PTPRJ: variants seen among roughly 807,000 people sequenced by gnomAD.
PTPRJ encodes receptor-type tyrosine-protein phosphatase eta.
Under a neutral mutation model 141.3 loss-of-function variants are expected in PTPRJ, and 129 were observed. The ratio of observed to expected loss-of-function variants is 0.91; its 90% CI spans 0.79 to 1.06. PTPRJ has a LOEUF of 1.06. Among genes scored for constraint, PTPRJ ranks in the 50% least tolerant of loss-of-function variants. PTPRJ has a pLI of 0.00. For missense variants in PTPRJ, 1,601 were observed against 1,679.7 expected (o/e 0.95, Z 0.82); for synonymous variants, 610 against 640.5 (o/e 0.95, Z 0.72).
intron 1 of PTPRJ, among the ~76,000 whole-genome samples, chr11:48,029,577 A>G (rs1033840164): frequency 6.6e-6 from 1 of 152,216 alleles, no homozygotes; most frequent in Non-Finnish European, 1.5e-5. Flanking sequence ...TTTTTATTTA[A>G]TGTGGATTAA....
intron 1 of PTPRJ, among the ~76,000 whole-genome samples, chr11:47,989,353 A>C (rs1378775921): frequency 7.3e-6 from 1 of 136,786 alleles, no homozygotes; most frequent in Non-Finnish European, 1.6e-5. Context: ...TGCAACCTCC[A>C]CCTCCCAGGT....
intron 1 of PTPRJ, among the ~76,000 whole-genome samples, chr11:48,011,581 G>A (rs1209473154): frequency 6.6e-6 from 1 of 152,204 alleles, no homozygotes; most frequent in African/African-American, 2.4e-5. Context: ...AACCTGCCCT[G>A]TTTGAAGGAG....
At chr11:48,070,589 A>G (rs550325114) in intron 1 of PTPRJ, among the ~76,000 whole-genome samples, 1 of 151,924 alleles carries the variant, frequency 6.6e-6, no homozygotes, top group Non-Finnish European at 1.5e-5. Context: ...TCTCATCTCC[A>G]TAGTGTGGGT....
intron 15 of PTPRJ, among the ~76,000 whole-genome samples, chr11:48,147,408 C>T (rs1233605883): frequency 6.6e-6 from 1 of 152,226 alleles, no homozygotes; most frequent in Non-Finnish European, 1.5e-5. Flanking sequence ...TAAGGCACTT[C>T]TCAGTGTCTT....
chr11:48,159,471 C>G (rs1328896147), intron 21 of PTPRJ, among the ~76,000 whole-genome samples: 1 of 152,170 alleles, frequency 6.6e-6, no homozygotes, highest in Non-Finnish European at 1.5e-5. Flanking sequence ...AGCTGCTGCT[C>G]TGCTCTAAAT....
At chr11:48,117,495 C>T (rs776516133) in intron 3 of PTPRJ, among the ~76,000 whole-genome samples, 73 of 129,692 alleles carry the variant, frequency 5.6e-4, no homozygotes, top group Non-Finnish European at 9.7e-4. Flanking sequence ...GAGCCGAGAT[C>T]GCACCACTGC....
At chr11:48,117,573 A>AAAAAAAAC (rs1856601821) in intron 3 of PTPRJ, among the ~76,000 whole-genome samples, 1 of 127,240 alleles carries the variant, frequency 7.9e-6, no homozygotes, top group Non-Finnish European at 1.7e-5. Context: ...AAAAAAAAAA[A>AAAAAAAAC]AAGCAAGCTC....
At chr11:48,124,887 A>T (rs554367065) in intron 5 of PTPRJ, 81 bp from the exon 6 acceptor site, 4 of 1,336,390 alleles carry the variant, frequency 3.0e-6, no homozygotes, top group East Asian at 2.3e-5. Flanking sequence ...TGGCCATCTG[A>T]TGGGGTTGGG....
intron 15 of PTPRJ, among the ~76,000 whole-genome samples, chr11:48,147,964 G>T (rs1242549022): frequency 6.6e-6 from 1 of 151,990 alleles, no homozygotes; most frequent in African/African-American, 2.4e-5. Context: ...TGCTGCCTCA[G>T]CCTCTTGAGT....
chr11:48,021,682 A>G (rs532773647), intron 1 of PTPRJ, among the ~76,000 whole-genome samples: 34 of 152,304 alleles, frequency 2.2e-4, no homozygotes, highest in African/African-American at 8.2e-4. Flanking sequence ...AGCATGCAGC[A>G]CCTGAGAAAG....
At chr11:48,013,843 T>C (rs564112473) in intron 1 of PTPRJ, among the ~76,000 whole-genome samples, 99 of 152,232 alleles carry the variant, frequency 6.5e-4, no homozygotes, top group African/African-American at 2.0e-3. Context: ...AGTGCTGCCC[T>C]CCCAGTGGTG....
intron 1 of PTPRJ, among the ~76,000 whole-genome samples, chr11:48,056,101 A>G (rs1854745886): frequency 6.6e-6 from 1 of 152,170 alleles, no homozygotes; most frequent in African/African-American, 2.4e-5. Context: ...GATAAAGTTA[A>G]CACGCATTGT....
intron 15 of PTPRJ, among the ~76,000 whole-genome samples, chr11:48,147,388 A>G (rs1011942120): frequency 2.6e-5 from 4 of 152,188 alleles, no homozygotes; most frequent in Admixed American, 6.5e-5. Context: ...GCTGAGGAGG[A>G]TTGAATAAAT....
At chr11:48,084,358 A>G (rs1280684719) in intron 1 of PTPRJ, among the ~76,000 whole-genome samples, 1 of 152,064 alleles carries the variant, frequency 6.6e-6, no homozygotes, top group East Asian at 1.9e-4. Context: ...TAATTTTTGT[A>G]TTTTTAGCAG....
At chr11:48,033,264 G>A (rs1376331112) in intron 1 of PTPRJ, among the ~76,000 whole-genome samples, 1 of 152,106 alleles carries the variant, frequency 6.6e-6, no homozygotes, top group Non-Finnish European at 1.5e-5. Context: ...TTGGTGGGAA[G>A]TGGAATGAGC....
chr11:48,155,721 T>G, intron 19 of PTPRJ, 80 bp from the exon 20 acceptor site: 2 of 1,263,860 alleles, frequency 1.6e-6, no homozygotes. Context: ...ATTTTGAATT[T>G]CATTTTTTTT....
rs1273556532 is a variant in PTPRJ at position 47,996,325 on chromosome 11, ACT to A, written c.96+15320_96+15321del. On this transcript the variant is annotated intron_variant, in intron 1 of 24. Transcript: ENST00000418331. ...ACTCCAGCCTGGGGGACAGAGCGAG[ACT>A]CTGTCTCAAAAAAAAAAAAAAAAAA... Among the ~76,000 whole-genome samples the A allele has an allele frequency of 5.2e-5, 7 of 135,040 alleles. No individual in the cohort carries two copies. The East Asian group carries it at 6.5e-4, about 12-fold the overall frequency. 88.6% of individuals were successfully genotyped at this position (135,040 alleles called of 152,430 possible).
chr11:48,054,098 A>G (rs1414980436), intron 1 of PTPRJ, among the ~76,000 whole-genome samples: 1 of 150,102 alleles, frequency 6.7e-6, no homozygotes, highest in Non-Finnish European at 1.5e-5. Flanking sequence ...ACGCCTGGCT[A>G]ATTTTTGTAT....
At position 48,167,511 on chromosome 11, in the gene PTPRJ, T is replaced by G; in HGVS notation, c.*149T>G. 1.1e-6 allele frequency: 1 copy of G among 921,528 alleles called. No homozygotes were observed. The highest frequency in any genetic ancestry group is 1.5e-6 in the Non-Finnish European group (1 of 646,184). 57.1% of individuals were successfully genotyped at this position (921,528 alleles called of 1,614,324 possible). On this transcript the variant is annotated 3_prime_UTR_variant, in exon 25 of 25. Transcript: ENST00000418331. Reference sequence around the variant, plus strand: ...CTAATTTTGAGGGCATGAAGCTGCATATGATAGATGACAAATTGGGGCTGT... The same window carrying G: ...CTAATTTTGAGGGCATGAAGCTGCAGATGATAGATGACAAATTGGGGCTGT...
Sources: gnomAD v4.1 joint callset for allele counts (sites outside exome capture counted in the v4.1 genomes callset) on GRCh38, gnomAD v4.1.1 for gene constraint, MANE v1.5 for transcripts, NCBI Gene and HGNC (gene_info 2026-07-23, HGNC 2026-07-21) for gene names.